HIRA: variants seen among roughly 807,000 people sequenced by gnomAD.
The protein encoded by HIRA is histone cell cycle regulator.
HIRA carries 13 observed loss-of-function variants against 126.6 expected under a neutral mutation model. The ratio of observed to expected loss-of-function variants is 0.10; its 90% CI spans 0.07 to 0.16. HIRA has a LOEUF of 0.16. Among genes scored for constraint, HIRA ranks in the 10% least tolerant of loss-of-function variants. The pLI is 1.00. For synonymous variants in HIRA, 511 were observed against 520.0 expected, an observed-to-expected ratio of 0.98 and a Z score of 0.24; for missense variants, 834 against 1,314.4, an observed-to-expected ratio of 0.63 and a Z score of 5.65.
intron 1 of HIRA, among the ~76,000 whole-genome samples, chr22:19,423,520 CACACAT>C (rs141045083): frequency 0.076 from 6,965 of 92,036 alleles, 163 homozygotes; most frequent in Middle Eastern, 0.12. Context: ...CACACACACA[CACACAT>C]ATTTTCAGCT....
chr22:19,361,419 G>T, intron 16 of HIRA, 78 bp from the exon 17 acceptor site: 1 of 1,229,812 alleles, frequency 8.1e-7, no homozygotes, highest in Non-Finnish European at 1.2e-6. Context: ...TCACCCAGAA[G>T]TGAGGCTGAG....
At chr22:19,394,226 A>T in intron 8 of HIRA, 116 bp downstream of exon 8, 1 of 1,251,010 alleles carries the variant, frequency 8.0e-7, no homozygotes, top group Non-Finnish European at 1.1e-6. Context: ...CCAAGTACAT[A>T]CTCTATTTTG....
chr22:19,336,342 G>T (rs936396328), intron 24 of HIRA, among the ~76,000 whole-genome samples: 1 of 152,238 alleles, frequency 6.6e-6, no homozygotes, highest in Non-Finnish European at 1.5e-5. Context: ...TCCTTTGAAA[G>T]AAGTGGCAGG....
chr22:19,348,879 A>T (rs998203812), intron 24 of HIRA, among the ~76,000 whole-genome samples: 1 of 143,726 alleles, frequency 7.0e-6, no homozygotes, highest in Non-Finnish European at 1.5e-5. Context: ...TCTGCCTCCT[A>T]GGTTCAAGCG....
chr22:19,368,442 T>TA (rs749988126), intron 15 of HIRA, among the ~76,000 whole-genome samples: 3 of 152,020 alleles, frequency 2.0e-5, no homozygotes, highest in Non-Finnish European at 2.9e-5. Context: ...TTTTTTTTTT[T>TA]AAATGTCAGA....
chr22:19,400,462 C>T (rs112955589), intron 5 of HIRA, among the ~76,000 whole-genome samples: 7 of 152,188 alleles, frequency 4.6e-5, no homozygotes, highest in African/African-American at 1.7e-4. Context: ...TTCAGTGTTA[C>T]GAGTTTACCC....
intron 24 of HIRA, among the ~76,000 whole-genome samples, chr22:19,348,091 C>A (rs1210709): frequency 0.87 from 131,872 of 152,212 alleles, 58,450 homozygotes; most frequent in Non-Finnish European, 0.96. Context: ...AGCCTCTATA[C>A]CAGCTGGCAC....
intron 1 of HIRA, among the ~76,000 whole-genome samples, chr22:19,414,271 A>C (rs941916365): frequency 2.0e-5 from 3 of 152,214 alleles, no homozygotes; most frequent in Non-Finnish European, 2.9e-5. Flanking sequence ...GGAATAAAGA[A>C]TACATTAAGG....
intron 13 of HIRA, among the ~76,000 whole-genome samples, chr22:19,379,067 G>A (rs371825171): frequency 3.3e-5 from 5 of 149,990 alleles, no homozygotes; most frequent in East Asian, 2.0e-4. Context: ...CTCTCCCGCC[G>A]CCCAGGCTGG....
At chr22:19,334,123 G>C (rs534184326) in intron 24 of HIRA, among the ~76,000 whole-genome samples, 6 of 151,338 alleles carry the variant, frequency 4.0e-5, no homozygotes, top group East Asian at 2.0e-4. Context: ...TACAGGCGCC[G>C]GCCAGCACGC....
intron 24 of HIRA, among the ~76,000 whole-genome samples, chr22:19,344,394 AC>A (rs1475168136): frequency 1.6e-4 from 25 of 152,310 alleles, no homozygotes; most frequent in African/African-American, 6.0e-4. Context: ...AGCATGAACA[AC>A]TATATGACAA....
chr22:19,351,269 A>T lies in HIRA; in HGVS notation c.2937+89T>A. Reference sequence around the variant, plus strand: ...GTGCTGGAGAAGTCTAACGGGACACAATTTCAAAGCACTTTGGCTTATTTA... The same window carrying T: ...GTGCTGGAGAAGTCTAACGGGACACTATTTCAAAGCACTTTGGCTTATTTA... On this transcript the variant is annotated intron_variant, in intron 24 of 24. Coordinates refer to ENST00000263208, the MANE Select transcript of HIRA (RefSeq NM_003325.4). The surrounding 1 kb of genome is among the most constrained non-coding windows in gnomAD (Gnocchi z 4.8). 1.3e-6 allele frequency: 2 copies of T among 1,525,546 alleles called. No individual in the cohort carries two copies. The highest frequency in any genetic ancestry group is 1.8e-6 in the Non-Finnish European group (2 of 1,139,344). The allele number at this position is 1,525,546 out of a possible 1,614,324, so 94.5% of individuals were successfully genotyped here. A position where few individuals can be genotyped will look rare whatever the true frequency, so the allele number is the denominator to read the frequency against.
In HIRA at chr22:19,361,281, G is replaced by T. The variant is rs779434216; in HGVS notation, c.2041C>A (p.Leu681Met). Residue 681 changes from leucine to methionine, a missense_variant, in exon 17 of 25, where the codon CTG becomes ATG. Leu to Met is a conservative substitution (Grantham distance 15). Around this residue, in one of 5 missense-constraint regions of HIRA, gnomAD observed 468 missense variants for 574.2 expected, o/e 0.82. Coordinates refer to ENST00000263208, the MANE Select transcript of HIRA (RefSeq NM_003325.4). ...TGGGGGCTTGGAATTGGCAGCTTCA[G>T]TGCAAGTGCTGGTGCAGACAGACAC... ...AMCLSAPALA[L>M]KLPIPSPQRA... The T allele has an allele frequency of 2.2e-5, 35 of 1,614,268 alleles. 1 individual carries two copies. In the South Asian group the frequency reaches 3.8e-4, roughly 18 times the overall value.
In HIRA at chr22:19,351,828, A is replaced by G. The variant is rs2088761289; in HGVS notation, c.2849-382T>C. Among the ~76,000 whole-genome samples the G allele has an allele frequency of 1.3e-5, 2 of 152,130 alleles. No individual in the cohort carries two copies. Among genetic ancestry groups the G allele is most frequent in the South Asian group, 4.2e-4 (2 of 4,816 alleles). On this transcript the variant is annotated intron_variant, in intron 23 of 24. Coordinates refer to ENST00000263208, the MANE Select transcript of HIRA (RefSeq NM_003325.4). The surrounding 1 kb of genome is among the most constrained non-coding windows in gnomAD (Gnocchi z 4.8). ...TGCGCTGGCAGCTGGTGTTGAGGGG[A>G]GGTCAGGAGGGTGGGACGGCCAGCC... is the stretch of plus-strand genomic sequence containing the variant.
At chr22:19,376,251 G>C (rs1301969755) in intron 14 of HIRA, among the ~76,000 whole-genome samples, 1 of 152,156 alleles carries the variant, frequency 6.6e-6, no homozygotes, top group Non-Finnish European at 1.5e-5. Context: ...CCTCCATCCT[G>C]AGCGGCCCCT....
At chr22:19,430,996 G>A (rs1009593484) in intron 1 of HIRA, among the ~76,000 whole-genome samples, 19 of 152,264 alleles carry the variant, frequency 1.2e-4, no homozygotes, top group African/African-American at 4.6e-4. Context: ...AGATCCAGAG[G>A]GGCAGTAACA....
intron 9 of HIRA, among the ~76,000 whole-genome samples, chr22:19,390,421 C>T (rs2089167654): frequency 6.6e-6 from 1 of 151,548 alleles, no homozygotes; most frequent in Non-Finnish European, 1.5e-5. Context: ...GGTGAAACCC[C>T]ATCTTTACTA....
chr22:19,350,910 C>T (rs1452674727), intron 24 of HIRA, among the ~76,000 whole-genome samples: 1 of 152,106 alleles, frequency 6.6e-6, no homozygotes, highest in Non-Finnish European at 1.5e-5. Flanking sequence ...TGTCCTCTCA[C>T]AAGGCCTTCC....
At chr22:19,431,390 C>T (rs1444384124) in intron 1 of HIRA, 50 bp downstream of exon 1, 1 of 1,594,968 alleles carries the variant, frequency 6.3e-7, no homozygotes, top group Non-Finnish European at 8.6e-7. Flanking sequence ...CGACTCCAGA[C>T]CCCGACCCGA....
Sources: gnomAD v4.1 joint callset for allele counts (sites outside exome capture counted in the v4.1 genomes callset) on GRCh38, gnomAD v4.1.1 for gene constraint, gnomAD v4.1.1 regional missense constraint, Gnocchi (gnomAD v3.1) non-coding constraint, MANE v1.5 for transcripts, NCBI Gene and HGNC (gene_info 2026-07-23, HGNC 2026-07-21) for gene names.